LUC7L2: variants seen among roughly 807,000 people sequenced by gnomAD.
LUC7L2 encodes the protein putative RNA-binding protein Luc7-like 2.
Under a neutral mutation model 52.8 loss-of-function variants are expected in LUC7L2, and 25 were observed. The observed-to-expected ratio is 0.47, with a 90% CI of 0.34 to 0.66. The LOEUF is 0.66. Among genes scored for constraint, LUC7L2 ranks in the 30% least tolerant of loss-of-function variants. The pLI is 0.01. For synonymous variants in LUC7L2, 144 were observed against 160.9 expected (o/e 0.89, Z 0.80); for missense variants, 328 against 497.8 (o/e 0.66, Z 3.25).
intron 2 of LUC7L2, among the ~76,000 whole-genome samples, chr7:139,394,355 T>C (rs1012738465): frequency 5.9e-5 from 9 of 152,204 alleles, no homozygotes; most frequent in Non-Finnish European, 1.2e-4. Flanking sequence ...CTCTCATGCA[T>C]CTTCCCCATG....
At chr7:139,349,564 G>A (rs1441947769) in intron 1 of LUC7L2, among the ~76,000 whole-genome samples, 2 of 151,018 alleles carry the variant, frequency 1.3e-5, no homozygotes, top group East Asian at 3.9e-4. Context: ...AGTGATAAGT[G>A]ATTTACTTCA....
intron 1 of LUC7L2, among the ~76,000 whole-genome samples, chr7:139,372,465 C>G (rs761295453): frequency 6.6e-6 from 1 of 151,928 alleles, no homozygotes; most frequent in South Asian, 2.1e-4. Flanking sequence ...TTTTTTTCTA[C>G]TTTACTTTGA....
intron 2 of LUC7L2, among the ~76,000 whole-genome samples, chr7:139,393,960 C>T (rs1356230348): frequency 6.6e-6 from 1 of 152,184 alleles, no homozygotes; most frequent in Non-Finnish European, 1.5e-5. Flanking sequence ...GCCCTTGGTC[C>T]TAGGGCTTTG....
intron 8 of LUC7L2, chr7:139,416,149 A>G (rs1240284699): frequency 6.8e-6 from 1 of 147,288 alleles, no homozygotes; most frequent in Non-Finnish European, 1.5e-5. Flanking sequence ...CTATCACCAT[A>G]ATCCAGTTGA....
intron 2 of LUC7L2, among the ~76,000 whole-genome samples, chr7:139,388,522 T>C (rs1794302846): frequency 6.6e-6 from 1 of 151,888 alleles, no homozygotes; most frequent in Admixed American, 6.6e-5. Context: ...CTCCGTGTTC[T>C]TGTGTAATTC....
intron 1 of LUC7L2, among the ~76,000 whole-genome samples, chr7:139,352,363 C>T (rs570587147): frequency 7.9e-5 from 12 of 152,244 alleles, no homozygotes; most frequent in African/African-American, 2.9e-4. Flanking sequence ...GGCATGGTGG[C>T]ACCTGCCTGT....
intron 4 of LUC7L2, among the ~76,000 whole-genome samples, chr7:139,403,278 A>G (rs1210078899): frequency 4.6e-5 from 7 of 152,216 alleles, no homozygotes; most frequent in African/African-American, 1.7e-4. Flanking sequence ...TTTCTTATAG[A>G]GTCGATTTAT....
At chr7:139,398,781 A>T in intron 3 of LUC7L2, 84 bp downstream of exon 3, 1 of 1,300,086 alleles carries the variant, frequency 7.7e-7, no homozygotes, top group Non-Finnish European at 1.1e-6. Flanking sequence ...TAATAGGAAA[A>T]ACTCTTAGCA....
intron 2 of LUC7L2, chr7:139,392,579 C>T (rs1346776896): frequency 1.3e-5 from 3 of 223,248 alleles, no homozygotes; most frequent in African/African-American, 2.4e-5. Flanking sequence ...TTTAAAAAAT[C>T]TACAATCTAA....
chr7:139,350,276 C>T (rs1252985743), intron 1 of LUC7L2, among the ~76,000 whole-genome samples: 1 of 151,844 alleles, frequency 6.6e-6, no homozygotes, highest in Non-Finnish European at 1.5e-5. Context: ...CGCCCGCCAC[C>T]ACGCCCGGCT....
intron 1 of LUC7L2, among the ~76,000 whole-genome samples, chr7:139,341,797 G>C (rs116523410): frequency 0.013 from 2,043 of 152,250 alleles, 49 homozygotes; most frequent in African/African-American, 0.047. Flanking sequence ...TTCATTGGCT[G>C]GTCTGTTGCC....
In LUC7L2 at chr7:139,422,398, T is replaced by G; in HGVS notation, c.*58T>G. 6.4e-7 allele frequency: 1 copy of G among 1,551,022 alleles called. No homozygotes were observed. Among genetic ancestry groups the G allele is most frequent in the Middle Eastern group, 1.7e-4 (1 of 5,720 alleles). ...TCCTACGGAGTTACGTACTATTGTT[T>G]AGTTCACAGCTGTTCAGGGTGACAG... On this transcript the variant is annotated 3_prime_UTR_variant, in exon 10 of 10. Coordinates refer to ENST00000354926, the MANE Select transcript of LUC7L2 (RefSeq NM_016019.5).
At chr7:139,368,737 CAAAA>C (rs779546165) in intron 1 of LUC7L2, among the ~76,000 whole-genome samples, 2 of 110,652 alleles carry the variant, frequency 1.8e-5, no homozygotes, top group Non-Finnish European at 1.9e-5. Context: ...GACACCGTCT[CAAAA>C]AAAAAAAAAA....
intron 1 of LUC7L2, chr7:139,375,514 G>A: frequency 1.0e-6 from 1 of 985,570 alleles, no homozygotes; most frequent in Non-Finnish European, 1.2e-6. Flanking sequence ...AGCAGCAAAA[G>A]GGAGACACTT....
At chr7:139,418,112 T>C (rs1443067272) in intron 9 of LUC7L2, among the ~76,000 whole-genome samples, 1 of 152,246 alleles carries the variant, frequency 6.6e-6, no homozygotes, top group East Asian at 1.9e-4. Flanking sequence ...TTTATTGTTT[T>C]CTAAACTTAT....
chr7:139,382,313 C>G (rs185418310), intron 2 of LUC7L2, among the ~76,000 whole-genome samples: 1 of 152,148 alleles, frequency 6.6e-6, no homozygotes, highest in Non-Finnish European at 1.5e-5. Context: ...AAAATACTTA[C>G]AGATAGGGTT....
rs190082672 is a variant in LUC7L2 at position 139,360,217 on chromosome 7, C to T, written c.-45C>T. The T allele has an allele frequency of 1.2e-4, 182 of 1,491,750 alleles. No homozygotes were observed. The highest frequency in any genetic ancestry group is 1.6e-4 in the Non-Finnish European group (175 of 1,099,078). The allele number at this position is 1,491,750 out of a possible 1,614,324, so 92.4% of individuals were successfully genotyped here. On this transcript the variant is annotated 5_prime_UTR_variant, in exon 1 of 10. Coordinates refer to ENST00000354926, the MANE Select transcript of LUC7L2 (RefSeq NM_016019.5). ...CCTTATCCCCCAGCCCAAAAGGGCC[C>T]GGTCTGCGCCCCACCCCCGCCCGTC...
intron 1 of LUC7L2, chr7:139,374,463 C>A: frequency 6.4e-7 from 1 of 1,550,838 alleles, no homozygotes; most frequent in South Asian, 1.2e-5. Context: ...GCCCCGCATT[C>A]GCCAAGCCGT....
chr7:139,372,480 A>AGT (rs1372222994), intron 1 of LUC7L2, among the ~76,000 whole-genome samples: 1 of 151,558 alleles, frequency 6.6e-6, no homozygotes, highest in Non-Finnish European at 1.5e-5. Context: ...CTTTGATCTA[A>AGT]GTCCTGTCTT....
Sources: gnomAD v4.1 joint callset for allele counts (sites outside exome capture counted in the v4.1 genomes callset) on GRCh38, gnomAD v4.1.1 for gene constraint, MANE v1.5 for transcripts, NCBI Gene and HGNC (gene_info 2026-07-23, HGNC 2026-07-21) for gene names.